The following PDE4B variants were observed in gnomAD, a reference collection of about 807,000 sequenced individuals.
The protein encoded by PDE4B is phosphodiesterase 4B, also known as 3',5'-cyclic-AMP phosphodiesterase 4B.
A neutral mutation model predicts 82.2 loss-of-function variants in PDE4B; 20 were observed. The ratio of observed to expected loss-of-function variants is 0.24; its 90% CI spans 0.17 to 0.35. The LOEUF (loss-of-function observed/expected upper bound fraction) is 0.35, where lower values mean the gene tolerates loss of function less well. PDE4B is among the 10% of genes least tolerant of loss of function. The pLI, the probability that PDE4B is intolerant of heterozygous loss-of-function variation, is 1.00. For missense variants in PDE4B, 655 were observed against 907.2 expected (o/e 0.72, Z 3.57); for synonymous variants, 320 against 318.9 (o/e 1.00, Z -0.04).
At chr1:66,167,932 T>C (rs975029979) in intron 3 of PDE4B, among the ~76,000 whole-genome samples, 1 of 152,230 alleles carries the variant, frequency 6.6e-6, no homozygotes, top group South Asian at 2.1e-4. Context: ...ATGTAACATA[T>C]GCACCAATGC....
intron 3 of PDE4B, among the ~76,000 whole-genome samples, chr1:66,202,615 C>G (rs1017159755): frequency 6.6e-6 from 1 of 150,796 alleles, no homozygotes; most frequent in Non-Finnish European, 1.5e-5. Flanking sequence ...CCTTCTTTGT[C>G]TCTTTTGATC....
intron 3 of PDE4B, among the ~76,000 whole-genome samples, chr1:66,189,618 A>T (rs933270071): frequency 2.0e-5 from 3 of 152,108 alleles, no homozygotes; most frequent in African/African-American, 2.4e-5. Context: ...CTTCCAGTTG[A>T]TCGAATAGGC....
At chr1:66,266,232 T>C (rs1655028984) in intron 7 of PDE4B, 145 bp downstream of exon 7, 1 of 690,332 alleles carries the variant, frequency 1.4e-6, no homozygotes, top group Non-Finnish European at 2.6e-6. Flanking sequence ...TTTTCTAAGG[T>C]ACACTGGAGC....
At chr1:66,003,090 A>G (rs964856583) in intron 3 of PDE4B, among the ~76,000 whole-genome samples, 3 of 152,084 alleles carry the variant, frequency 2.0e-5, no homozygotes, top group African/African-American at 7.2e-5. Flanking sequence ...GAAAAGCATC[A>G]GTATGTATGG....
chr1:65,875,813 AG>A (rs1483233745), intron 1 of PDE4B, among the ~76,000 whole-genome samples: 1 of 42,342 alleles, frequency 2.4e-5, no homozygotes, highest in Non-Finnish European at 4.3e-5. Flanking sequence ...GGGTGGGGGG[AG>A]GGGGGAGGGA....
intron 1 of PDE4B, among the ~76,000 whole-genome samples, chr1:65,825,308 A>G (rs1222802779): frequency 6.6e-6 from 1 of 152,192 alleles, no homozygotes; most frequent in Non-Finnish European, 1.5e-5. Flanking sequence ...ACAAGGGCAA[A>G]ACCCTAAAAC....
chr1:66,352,297 A>G (rs1361455713), intron 8 of PDE4B, among the ~76,000 whole-genome samples: 1 of 152,166 alleles, frequency 6.6e-6, no homozygotes, highest in African/African-American at 2.4e-5. Context: ...GAATTAGTTT[A>G]AGCCTGGGAA....
At chr1:66,151,302 G>T (rs1207245187) in intron 3 of PDE4B, among the ~76,000 whole-genome samples, 1 of 152,144 alleles carries the variant, frequency 6.6e-6, no homozygotes, top group Non-Finnish European at 1.5e-5. Context: ...TTGCCTACAT[G>T]TTAAAATTTA....
At chr1:66,299,747 T>G (rs1453540825) in intron 7 of PDE4B, among the ~76,000 whole-genome samples, 1 of 152,200 alleles carries the variant, frequency 6.6e-6, no homozygotes. Flanking sequence ...TTTCTGATAA[T>G]GGCCAAAAGC....
intron 1 of PDE4B, among the ~76,000 whole-genome samples, chr1:65,900,296 C>G (rs1646957660): frequency 6.6e-6 from 1 of 151,932 alleles, no homozygotes; most frequent in Admixed American, 6.6e-5. Flanking sequence ...TCTGGTTTCT[C>G]TATTCTGTTC....
At chr1:65,817,281 C>A (rs573080805) in intron 1 of PDE4B, among the ~76,000 whole-genome samples, 1 of 152,264 alleles carries the variant, frequency 6.6e-6, no homozygotes, top group Admixed American at 6.5e-5. Flanking sequence ...CTGCTTCTTG[C>A]ATTCAGAACC....
intron 3 of PDE4B, among the ~76,000 whole-genome samples, chr1:66,159,282 G>T (rs1159933392): frequency 6.8e-6 from 1 of 147,770 alleles, no homozygotes; most frequent in South Asian, 2.2e-4. Flanking sequence ...TCACTCTGTT[G>T]CCCAGGCTGG....
Position 66,257,814 on chromosome 1 carries a change from G to T in PDE4B, c.535G>T (p.Val179Leu). Reference sequence around the variant, plus strand: ...CTAGGTCCTTGCCAGCTTGCGAAGTGTGAGAAACAACTTCACTATACTGAC... The same window carrying T: ...CTAGGTCCTTGCCAGCTTGCGAAGTTTGAGAAACAACTTCACTATACTGAC... ...FAQVLASLRS[V>L]RNNFTILTNL... The change falls in exon 6 of 17, where the codon GTG (valine) becomes TTG (leucine). Residue 179 changes from valine to leucine, a missense_variant. By Grantham distance (32) the Val-to-Leu change is conservative. Around this residue, in one of 3 missense-constraint regions of PDE4B, gnomAD observed 253 missense variants for 275.6 expected, o/e 0.92. Transcript: ENST00000341517. The T allele has an allele frequency of 6.2e-7, 1 of 1,613,336 alleles. No individual in the cohort carries two copies. The highest frequency in any genetic ancestry group is 1.1e-5 in the South Asian group (1 of 91,062).
intron 8 of PDE4B, among the ~76,000 whole-genome samples, chr1:66,332,963 C>T (rs1359428412): frequency 1.3e-5 from 2 of 152,174 alleles, no homozygotes; most frequent in African/African-American, 4.8e-5. Flanking sequence ...TATCAGGAAG[C>T]TAAAATCTGA....
chr1:66,145,311 A>G (rs1646248232), intron 3 of PDE4B, among the ~76,000 whole-genome samples: 2 of 152,170 alleles, frequency 1.3e-5, no homozygotes, highest in Non-Finnish European at 2.9e-5. Context: ...CAGAAAATAC[A>G]TGGATGGTTA....
intron 7 of PDE4B, among the ~76,000 whole-genome samples, chr1:66,300,740 G>A (rs1657829952): frequency 6.6e-6 from 1 of 152,078 alleles, no homozygotes; most frequent in South Asian, 2.1e-4. Context: ...TTTCCCAGAG[G>A]GTCTGAGGTC....
chr1:66,301,150 G>A (rs1043370527), intron 7 of PDE4B, among the ~76,000 whole-genome samples: 3 of 152,026 alleles, frequency 2.0e-5, no homozygotes, highest in Non-Finnish European at 4.4e-5. Context: ...GGCCTCACAT[G>A]GCTGCAGTAT....
At chr1:66,311,873 C>T (rs950047932) in intron 7 of PDE4B, among the ~76,000 whole-genome samples, 7 of 152,184 alleles carry the variant, frequency 4.6e-5, no homozygotes, top group African/African-American at 1.4e-4. Flanking sequence ...GATTCCTGAC[C>T]GCCACTTCCC....
At chr1:66,232,049 G>A (rs960321390) in intron 3 of PDE4B, among the ~76,000 whole-genome samples, 3 of 152,182 alleles carry the variant, frequency 2.0e-5, no homozygotes, top group African/African-American at 7.2e-5. Flanking sequence ...ATAGGCATTT[G>A]GTTTAAATTA....
Sources: allele counts gnomAD v4.1 joint callset (sites outside exome capture counted in the v4.1 genomes callset), GRCh38; gene constraint gnomAD v4.1.1; regional missense constraint gnomAD v4.1.1; transcripts MANE v1.5; gene names NCBI Gene and HGNC (gene_info 2026-07-23, HGNC 2026-07-21).